The following MECOM variants were observed in gnomAD, a reference collection of about 807,000 sequenced individuals.
The protein encoded by MECOM is MDS1 and EVI1 complex locus.
In MECOM, 13 loss-of-function variants were observed where a neutral mutation model predicts 116.3. That is an observed-to-expected ratio of 0.11 (90% CI 0.07 to 0.18). The LOEUF is 0.18. Among genes scored for constraint, MECOM ranks in the 10% least tolerant of loss-of-function variants. MECOM has a pLI of 1.00. For missense variants in MECOM, 1,299 were observed against 1,509.0 expected (o/e 0.86, Z 2.31); for synonymous variants, 528 against 535.2 (o/e 0.99, Z 0.19).
chr3:169,532,665 T>A (rs1303658788), intron 1 of MECOM, among the ~76,000 whole-genome samples: 1 of 152,182 alleles, frequency 6.6e-6, no homozygotes, highest in Non-Finnish European at 1.5e-5. Context: ...AAATCCAGCA[T>A]GAATCTAATT....
intron 12 of MECOM, among the ~76,000 whole-genome samples, chr3:169,097,200 T>C (rs1025237830): frequency 1.1e-4 from 17 of 152,172 alleles, no homozygotes; most frequent in African/African-American, 3.6e-4. Flanking sequence ...ATTATGTTTC[T>C]GCCATGCTTC....
rs568845553 is a variant in MECOM, at chr3:169,340,913, T to C, written c.375+40274A>G. On this transcript the variant is annotated intron_variant, in intron 2 of 16. Transcript: ENST00000651503. ...TGCAGAGGGAAATAGATATGAGCTG[T>C]GTCTACATGAGACAAGCAGGTGGAA... Among the ~76,000 whole-genome samples the C allele has an allele frequency of 6.6e-5, 10 of 152,306 alleles. No homozygotes were observed. In the East Asian group the frequency reaches 1.9e-3, roughly 29 times the overall value.
intron 1 of MECOM, among the ~76,000 whole-genome samples, chr3:169,524,969 C>A (rs1352941850): frequency 7.0e-6 from 1 of 143,118 alleles, no homozygotes; most frequent in Non-Finnish European, 1.5e-5. Context: ...AAACTGCATA[C>A]TTGTTTAAAA....
At chr3:169,355,209 TTTTG>T (rs1162878611) in intron 2 of MECOM, among the ~76,000 whole-genome samples, 13 of 151,954 alleles carry the variant, frequency 8.6e-5, no homozygotes, top group African/African-American at 2.9e-4. Context: ...ATATGCATAA[TTTTG>T]TTTGATTGTT....
chr3:169,354,914 TC>T (rs1173437190), intron 2 of MECOM, among the ~76,000 whole-genome samples: 1 of 151,792 alleles, frequency 6.6e-6, no homozygotes, highest in Non-Finnish European at 1.5e-5. Flanking sequence ...ACAGATAGCA[TC>T]CCGGCGCAAT....
At chr3:169,154,057 G>GT (rs1225182442) in intron 2 of MECOM, among the ~76,000 whole-genome samples, 3 of 151,796 alleles carry the variant, frequency 2.0e-5, no homozygotes, top group South Asian at 2.1e-4. Context: ...TAAGAAAAGT[G>GT]TTTTTTTTCT....
intron 1 of MECOM, among the ~76,000 whole-genome samples, chr3:169,461,893 A>G (rs937896394): frequency 4.1e-4 from 62 of 152,166 alleles, no homozygotes; most frequent in African/African-American, 1.4e-3. Flanking sequence ...GTTTCATGCC[A>G]TGCTTTTTAA....
intron 1 of MECOM, among the ~76,000 whole-genome samples, chr3:169,654,831 C>CACACACAT (rs1553908366): frequency 5.9e-5 from 9 of 151,990 alleles, no homozygotes; most frequent in African/African-American, 2.2e-4. Context: ...CACACACACA[C>CACACACAT]ACACACACAC....
intron 2 of MECOM, among the ~76,000 whole-genome samples, chr3:169,331,272 C>T (rs550940375): frequency 6.6e-6 from 1 of 152,078 alleles, no homozygotes; most frequent in Non-Finnish European, 1.5e-5. Context: ...TATATTGTTA[C>T]TTTAAGCTCC....
chr3:169,438,721 C>T (rs959490318), intron 1 of MECOM, among the ~76,000 whole-genome samples: 4 of 152,222 alleles, frequency 2.6e-5, no homozygotes, highest in African/African-American at 9.6e-5. Context: ...ACAGCCAGCA[C>T]GTGAAGAAAT....
At chr3:169,206,733 C>A (rs924523437) in intron 2 of MECOM, among the ~76,000 whole-genome samples, 4 of 136,996 alleles carry the variant, frequency 2.9e-5, no homozygotes, top group Admixed American at 2.3e-4. Flanking sequence ...GCATGGGCGA[C>A]AAGAATGAGA....
intron 1 of MECOM, among the ~76,000 whole-genome samples, chr3:169,544,255 C>A (rs1322283900): frequency 6.6e-6 from 1 of 152,192 alleles, no homozygotes; most frequent in Non-Finnish European, 1.5e-5. Flanking sequence ...TAAAGCAGTG[C>A]CTGGCACATA....
chr3:169,633,051 C>A (rs1772283782), intron 1 of MECOM, among the ~76,000 whole-genome samples: 1 of 152,272 alleles, frequency 6.6e-6, no homozygotes, highest in East Asian at 1.9e-4. Context: ...CCTGTGATAA[C>A]CTGGGGACTG....
intron 9 of MECOM, among the ~76,000 whole-genome samples, chr3:169,111,771 A>G (rs1727475333): frequency 6.6e-6 from 1 of 152,228 alleles, no homozygotes; most frequent in East Asian, 1.9e-4. Flanking sequence ...TCAGGACTCT[A>G]GAAAGATACT....
At chr3:169,322,997 T>TTAA (rs1270690613) in intron 2 of MECOM, among the ~76,000 whole-genome samples, 1,178 of 56,028 alleles carry the variant, frequency 0.021, 95 homozygotes, top group East Asian at 0.032. Context: ...AAGACTCCGG[T>TTAA]AAAAAAAAAA....
chr3:169,346,102 C>A (rs560003251), intron 2 of MECOM, among the ~76,000 whole-genome samples: 1 of 151,926 alleles, frequency 6.6e-6, no homozygotes, highest in African/African-American at 2.4e-5. Context: ...AAGTTTTAAG[C>A]GAAGCAAGAC....
chr3:169,428,667 A>G (rs1473038491), intron 1 of MECOM, among the ~76,000 whole-genome samples: 1 of 152,366 alleles, frequency 6.6e-6, no homozygotes, highest in East Asian at 1.9e-4. Flanking sequence ...GAGGTCATAC[A>G]CACTCTATTG....
intron 2 of MECOM, among the ~76,000 whole-genome samples, chr3:169,281,066 A>G (rs1452543831): frequency 6.6e-6 from 1 of 152,218 alleles, no homozygotes; most frequent in East Asian, 1.9e-4. Context: ...GGTTATCTTT[A>G]ATCACGTCAC....
At chr3:169,574,846 C>A (rs1178360872) in intron 1 of MECOM, among the ~76,000 whole-genome samples, 1 of 151,336 alleles carries the variant, frequency 6.6e-6, no homozygotes, top group Non-Finnish European at 1.5e-5. Context: ...AAAAACTTTT[C>A]AATTCAATGA....
Sources: gnomAD v4.1 joint callset for allele counts (sites outside exome capture counted in the v4.1 genomes callset) on GRCh38, gnomAD v4.1.1 for gene constraint, MANE v1.5 for transcripts, NCBI Gene and HGNC (gene_info 2026-07-23, HGNC 2026-07-21) for gene names.